UBL3: variants seen among roughly 807,000 people sequenced by gnomAD.
UBL3 encodes the protein ubiquitin like 3.
A neutral mutation model predicts 18.4 loss-of-function variants in UBL3; 6 were observed. The observed-to-expected ratio is 0.33, with a 90% confidence interval of 0.18 to 0.64. UBL3 has a LOEUF of 0.64. UBL3 is among the 30% of genes least tolerant of loss of function. UBL3 has a pLI of 0.76. For synonymous variants in UBL3, 49 were observed against 46.6 expected, an observed-to-expected ratio of 1.05 and a Z score of -0.21; for missense variants, 109 against 142.9, an observed-to-expected ratio of 0.76 and a Z score of 1.21.
In UBL3 at chr13:29,806,537, A is replaced by G. The variant is rs148495134; in HGVS notation, c.28-29274T>C. Among the ~76,000 whole-genome samples the G allele has an allele frequency of 2.2e-3, 336 of 152,304 alleles. 1 individual carries two copies. Among genetic ancestry groups the G allele is most frequent in the Non-Finnish European group, 2.9e-3 (199 of 68,022 alleles). ...TTGTTATTAATCATCCATGTCTGTCATAAGTAAAGGGTAGGGCTGGGGGGC... is the reference window on the plus strand; with the variant it reads ...TTGTTATTAATCATCCATGTCTGTCGTAAGTAAAGGGTAGGGCTGGGGGGC... On this transcript the variant is annotated intron_variant, in intron 1 of 4. Transcript: ENST00000380680.
At chr13:29,783,701 A>C (rs1039204250) in intron 1 of UBL3, among the ~76,000 whole-genome samples, 3 of 152,172 alleles carry the variant, frequency 2.0e-5, no homozygotes, top group East Asian at 3.8e-4. Flanking sequence ...TTATTACTTA[A>C]ATATTTATTA....
intron 1 of UBL3, among the ~76,000 whole-genome samples, chr13:29,846,747 A>G (rs1192884079): frequency 1.3e-5 from 2 of 152,204 alleles, no homozygotes; most frequent in Non-Finnish European, 2.9e-5. Flanking sequence ...GACAAGCACC[A>G]TTAACATATA....
intron 1 of UBL3, among the ~76,000 whole-genome samples, chr13:29,835,115 T>TATAA (rs1878901497): frequency 1.2e-4 from 3 of 25,808 alleles, no homozygotes; most frequent in South Asian, 2.4e-3. Context: ...TAAATATATA[T>TATAA]ATATATATAA....
chr13:29,807,953 ATAGTC>A, intron 1 of UBL3, among the ~76,000 whole-genome samples: 1 of 152,188 alleles, frequency 6.6e-6, no homozygotes, highest in Non-Finnish European at 1.5e-5. Context: ...ACGTATTACA[ATAGTC>A]TATTTTATAA....
intron 1 of UBL3, among the ~76,000 whole-genome samples, chr13:29,787,775 ACATGGCT>A (rs1453362991): frequency 6.6e-6 from 1 of 152,204 alleles, no homozygotes; most frequent in African/African-American, 2.4e-5. Context: ...TCTTTAGGTC[ACATGGCT>A]CATTAAATTA....
chr13:29,779,776 T>C (rs2061673470), intron 1 of UBL3, among the ~76,000 whole-genome samples: 1 of 152,186 alleles, frequency 6.6e-6, no homozygotes, highest in Non-Finnish European at 1.5e-5. Flanking sequence ...ACAGAACACA[T>C]GCCTATTTGC....
At chr13:29,767,741 T>C (rs756303542) in intron 3 of UBL3, 46 bp from the exon 4 acceptor site, 7 of 1,521,096 alleles carry the variant, frequency 4.6e-6, no homozygotes, top group East Asian at 4.6e-5. Flanking sequence ...TATCGACCTA[T>C]TAAAATCACT....
In UBL3 at chr13:29,849,615, G is replaced by A. The variant is rs1879318281; in HGVS notation, c.-77C>T. The A allele has an allele frequency of 1.9e-6, 3 of 1,570,776 alleles. No homozygotes were observed. Among genetic ancestry groups the A allele is most frequent in the Admixed American group, 1.7e-5 (1 of 59,650 alleles). On this transcript the variant is annotated 5_prime_UTR_variant, in exon 1 of 5. Coordinates refer to ENST00000380680, the MANE Select transcript of UBL3 (RefSeq NM_007106.4). ...AAAGAGCAGAAGTCTTCACGTTACA[G>A]AAATAAACCACGATTTTGACTGGTT...
chr13:29,806,561 G>A (rs1446597792), intron 1 of UBL3, among the ~76,000 whole-genome samples: 1 of 152,114 alleles, frequency 6.6e-6, no homozygotes, highest in South Asian at 2.1e-4. Context: ...GGGCTGGGGG[G>A]CAGGGAGTAT....
At chr13:29,777,748 C>G (rs564810896) in intron 1 of UBL3, among the ~76,000 whole-genome samples, 26 of 151,838 alleles carry the variant, frequency 1.7e-4, no homozygotes, top group African/African-American at 6.0e-4. Flanking sequence ...TTATTAAAAC[C>G]TAGACGAATT....
chr13:29,809,281 G>C lies in UBL3; in HGVS notation c.28-32018C>G, dbSNP rs576311629. On this transcript the variant is annotated intron_variant, in intron 1 of 4. Coordinates refer to ENST00000380680, the MANE Select transcript of UBL3 (RefSeq NM_007106.4). Reference sequence around the variant, plus strand: ...AGGGATACTTGCACTGAGACCTGAAGAAGGAGTCAGAAATGCAAAGAGTAG... The same window carrying C: ...AGGGATACTTGCACTGAGACCTGAACAAGGAGTCAGAAATGCAAAGAGTAG... 2.4e-4 allele frequency among the ~76,000 whole-genome samples: 36 copies of C among 148,060 alleles called. No homozygotes were observed. In the South Asian group the frequency reaches 7.5e-3, roughly 31 times the overall value.
chr13:29,843,838 A>G lies in UBL3; in HGVS notation c.27+5674T>C, dbSNP rs150368838. Among the ~76,000 whole-genome samples, 567 of 137,216 alleles carry G rather than the reference A, an allele frequency of 4.1e-3. 2 individuals carry two copies. The highest frequency in any genetic ancestry group is 7.0e-3 in the Non-Finnish European group (449 of 63,816). 90.0% of individuals were successfully genotyped at this position (137,216 alleles called of 152,430 possible). A position where few individuals can be genotyped will look rare whatever the true frequency, so the allele number is the denominator to read the frequency against. ...TTCTCACTTACTGTTTAAAATGTCG[A>G]TTTTGCCTTGAAGTGACAACTTGGG... On this transcript the variant is annotated intron_variant, in intron 1 of 4. Transcript: ENST00000380680.
intron 1 of UBL3, among the ~76,000 whole-genome samples, chr13:29,779,767 C>T (rs776276031): frequency 6.6e-6 from 1 of 152,200 alleles, no homozygotes; most frequent in Non-Finnish European, 1.5e-5. Context: ...GTGGGAACAA[C>T]AGAACACATG....
chr13:29,823,096 C>A (rs376338926), intron 1 of UBL3, among the ~76,000 whole-genome samples: 1 of 152,154 alleles, frequency 6.6e-6, no homozygotes, highest in Non-Finnish European at 1.5e-5. Flanking sequence ...TAATTAATTA[C>A]AAAATTAGAA....
In UBL3 at chr13:29,767,138, G is replaced by T; in HGVS notation, c.*117C>A. On this transcript the variant is annotated 3_prime_UTR_variant, in exon 5 of 5. Transcript: ENST00000380680. ...ATGACAGTGTTCATGTGGTAATTCAGTTCCATGTGTTTACAGGCAGACTGT... is the reference window on the plus strand; with the variant it reads ...ATGACAGTGTTCATGTGGTAATTCATTTCCATGTGTTTACAGGCAGACTGT... 1 of 986,124 alleles carries T rather than the reference G, an allele frequency of 1.0e-6. No homozygotes were observed. Among genetic ancestry groups the T allele is most frequent in the Non-Finnish European group, 1.5e-6 (1 of 661,110 alleles). 61.1% of individuals were successfully genotyped at this position (986,124 alleles called of 1,614,324 possible).
chr13:29,812,778 C>G (rs561506022), intron 1 of UBL3, among the ~76,000 whole-genome samples: 1 of 151,752 alleles, frequency 6.6e-6, no homozygotes, highest in Admixed American at 6.6e-5. Flanking sequence ...CAGATGTGCT[C>G]TAAGTATAAT....
intron 1 of UBL3, among the ~76,000 whole-genome samples, chr13:29,844,770 T>C (rs1284104991): frequency 6.6e-6 from 1 of 152,138 alleles, no homozygotes; most frequent in African/African-American, 2.4e-5. Context: ...CTAAAACATA[T>C]TTAATGTTCT....
At chr13:29,772,069 CCAT>C (rs1421342019) in intron 3 of UBL3, 40 bp downstream of exon 3, 7 of 1,503,198 alleles carry the variant, frequency 4.7e-6, no homozygotes, top group Non-Finnish European at 6.4e-6. Context: ...AATCATGCTA[CCAT>C]GAGACAGACA....
At chr13:29,829,599 T>C (rs555849418) in intron 1 of UBL3, among the ~76,000 whole-genome samples, 1 of 152,336 alleles carries the variant, frequency 6.6e-6, no homozygotes, top group Admixed American at 6.5e-5. Context: ...CAGCTTCCCT[T>C]GGCTAGGAAA....
Sources: allele counts gnomAD v4.1 joint callset (sites outside exome capture counted in the v4.1 genomes callset), GRCh38; gene constraint gnomAD v4.1.1; transcripts MANE v1.5; gene names NCBI Gene and HGNC (gene_info 2026-07-23, HGNC 2026-07-21).